DPYD: variants seen among roughly 807,000 people sequenced by gnomAD.
DPYD encodes dihydropyrimidine dehydrogenase.
DPYD carries 109 observed loss-of-function variants against 116.2 expected under a neutral mutation model. That is an observed-to-expected ratio of 0.94 (90% CI 0.80 to 1.10). The LOEUF (loss-of-function observed/expected upper bound fraction) is 1.10, where lower values mean the gene tolerates loss of function less well. DPYD is among the 50% of genes least tolerant of loss of function. DPYD has a pLI of 0.00. For synonymous variants in DPYD, 440 were observed against 432.0 expected, an observed-to-expected ratio of 1.02 and a Z score of -0.23; for missense variants, 1,302 against 1,254.5, an observed-to-expected ratio of 1.04 and a Z score of -0.57.
intron 20 of DPYD, among the ~76,000 whole-genome samples, chr1:97,099,209 G>A (rs1016270994): frequency 6.6e-6 from 1 of 151,988 alleles, no homozygotes; most frequent in African/African-American, 2.4e-5. Flanking sequence ...AAACAAAAAT[G>A]GTAAAAATAT....
At chr1:97,746,771 T>C (rs1021755476) in intron 3 of DPYD, among the ~76,000 whole-genome samples, 1 of 152,062 alleles carries the variant, frequency 6.6e-6, no homozygotes, top group Non-Finnish European at 1.5e-5. Context: ...ATGAAGAAAG[T>C]AGCGTCAGTA....
intron 20 of DPYD, among the ~76,000 whole-genome samples, chr1:97,110,879 T>C (rs1457442502): frequency 6.6e-6 from 1 of 152,028 alleles, no homozygotes; most frequent in Non-Finnish European, 1.5e-5. Flanking sequence ...CTTAAAACAC[T>C]ATCCTATGGC....
At chr1:97,173,870 A>G (rs1039079841) in intron 20 of DPYD, among the ~76,000 whole-genome samples, 1 of 148,364 alleles carries the variant, frequency 6.7e-6, no homozygotes, top group African/African-American at 2.5e-5. Context: ...GAAATCCTGA[A>G]TGCAAAAATA....
rs778614771 is a variant in DPYD at position 97,098,508 on chromosome 1, CT to C, written c.2746del (p.Arg916GlyfsTer9). 6.8e-6 allele frequency: 11 copies of C among 1,612,808 alleles called. 1 individual carries two copies. The South Asian group carries it at 1.1e-4, about 16-fold the overall frequency. On this transcript the variant is annotated frameshift_variant, in exon 21 of 23. Coordinates refer to ENST00000370192, the MANE Select transcript of DPYD (RefSeq NM_000110.4). LOFTEE classifies it high-confidence loss of function. ...PLKRNCFIPK[R>X]PIPTIKDVIG... ...TTTTACCTTGATGGTAGGAATAGGC[CT>C]TTTGGGGATAAAACAGTTTCTCTTA...
At chr1:97,783,105 T>C (rs1666846213) in intron 3 of DPYD, among the ~76,000 whole-genome samples, 2 of 152,212 alleles carry the variant, frequency 1.3e-5, no homozygotes, top group South Asian at 4.1e-4. Context: ...GCCAACGCTG[T>C]TGAACAGAAA....
intron 19 of DPYD, among the ~76,000 whole-genome samples, chr1:97,217,694 C>T (rs1660506363): frequency 1.3e-5 from 2 of 151,054 alleles, no homozygotes; most frequent in African/African-American, 4.9e-5. Flanking sequence ...AAGTCTGGTA[C>T]TCTTTCTTTT....
chr1:97,687,736 T>C (rs879625549), intron 7 of DPYD, among the ~76,000 whole-genome samples: 3 of 152,026 alleles, frequency 2.0e-5, no homozygotes, highest in Non-Finnish European at 4.4e-5. Context: ...AAAATGCCCA[T>C]CAATAATATA....
rs117021124 is a variant in DPYD at position 97,720,562 on chromosome 1, G to A, written c.483+948C>T. 1,128 of 1,055,176 alleles carry A rather than the reference G, an allele frequency of 1.1e-3. 8 individuals are homozygous for A. The East Asian group carries it at 0.025, about 23-fold the overall frequency. 65.4% of individuals were successfully genotyped at this position (1,055,176 alleles called of 1,614,324 possible). A position where few individuals can be genotyped will look rare whatever the true frequency, so the allele number is the denominator to read the frequency against. ...AGGAGCTCTTCTTTAGAATTAACCT[G>A]TCAGAAAGCAGGAAGGGAATAACCC... On this transcript the variant is annotated intron_variant, in intron 5 of 22. Coordinates refer to ENST00000370192, the MANE Select transcript of DPYD (RefSeq NM_000110.4).
intron 13 of DPYD, among the ~76,000 whole-genome samples, chr1:97,486,854 T>C (rs1678668373): frequency 1.3e-5 from 2 of 151,866 alleles, no homozygotes; most frequent in South Asian, 4.2e-4. Context: ...TTTCTAAACA[T>C]AAATACAGAA....
chr1:97,235,099 T>A, intron 18 of DPYD, 105 bp from the exon 19 acceptor site: 1 of 1,356,104 alleles, frequency 7.4e-7, no homozygotes, highest in Non-Finnish European at 1.0e-6. Flanking sequence ...ACTGGACAAA[T>A]TTCAAATTAC....
chr1:97,731,152 A>C (rs1663585362), intron 4 of DPYD, among the ~76,000 whole-genome samples: 1 of 152,118 alleles, frequency 6.6e-6, no homozygotes, highest in Non-Finnish European at 1.5e-5. Context: ...CTGTAATATC[A>C]CACCATTTGT....
At chr1:97,274,393 C>T (rs553564141) in intron 18 of DPYD, among the ~76,000 whole-genome samples, 24 of 152,240 alleles carry the variant, frequency 1.6e-4, no homozygotes, top group Non-Finnish European at 3.5e-4. Flanking sequence ...CTTGTGCCCT[C>T]TCTTGCCATG....
rs113549556 is a variant in DPYD at position 97,383,611 on chromosome 1, A to C, written c.1906-1150T>G. 5.2e-3 allele frequency among the ~76,000 whole-genome samples: 791 copies of C among 152,232 alleles called. 3 individuals carry two copies. The highest frequency in any genetic ancestry group is 8.7e-3 in the Non-Finnish European group (591 of 68,020). ...TTATTAACTTATTTAATCATTCCCA[A>C]TGTTATTCTCCCCACTTTATAGATG... is the stretch of plus-strand genomic sequence containing the variant. On this transcript the variant is annotated intron_variant, in intron 14 of 22. Coordinates refer to ENST00000370192, the MANE Select transcript of DPYD (RefSeq NM_000110.4).
intron 1 of DPYD, among the ~76,000 whole-genome samples, chr1:97,911,378 A>G (rs1363869361): frequency 6.6e-6 from 1 of 152,132 alleles, no homozygotes; most frequent in African/African-American, 2.4e-5. Flanking sequence ...CTCTTTCAGA[A>G]AAGACAGAGC....
chr1:97,319,458 A>G (rs1247046909), intron 16 of DPYD, among the ~76,000 whole-genome samples: 2 of 127,012 alleles, frequency 1.6e-5, no homozygotes, highest in Non-Finnish European at 3.3e-5. Context: ...AAACACCTCT[A>G]CGCAAATAAA....
chr1:97,354,648 GA>G (rs1670331133), intron 16 of DPYD, among the ~76,000 whole-genome samples: 1 of 152,088 alleles, frequency 6.6e-6, no homozygotes, highest in Admixed American at 6.5e-5. Context: ...ACAGAAGGAA[GA>G]AAATTAATTT....
intron 5 of DPYD, chr1:97,700,104 G>C (rs960142147): frequency 6.1e-5 from 23 of 379,688 alleles, no homozygotes; most frequent in Non-Finnish European, 1.1e-4. Flanking sequence ...CAGGCATCTT[G>C]GAAGGGCTAA....
At chr1:97,717,944 C>A (rs986110649) in intron 5 of DPYD, among the ~76,000 whole-genome samples, 2 of 151,842 alleles carry the variant, frequency 1.3e-5, no homozygotes, top group African/African-American at 4.8e-5. Flanking sequence ...GATCAAGTAT[C>A]TTTTTCATAT....
chr1:97,693,593 A>C (rs962568664), intron 6 of DPYD, among the ~76,000 whole-genome samples: 1 of 152,170 alleles, frequency 6.6e-6, no homozygotes, highest in Non-Finnish European at 1.5e-5. Context: ...ACAAACAGAC[A>C]CACAGACTTG....
Sources: gnomAD v4.1 joint callset for allele counts (sites outside exome capture counted in the v4.1 genomes callset) on GRCh38, gnomAD v4.1.1 for gene constraint, MANE v1.5 for transcripts, NCBI Gene and HGNC (gene_info 2026-07-23, HGNC 2026-07-21) for gene names.